Variants in EYA1 observed in about 807,000 individuals in gnomAD.
The protein encoded by EYA1 is EYA transcriptional coactivator and phosphatase 1.
In EYA1, 16 loss-of-function variants were observed where a neutral mutation model predicts 82.0. That is an observed-to-expected ratio of 0.20 (90% CI 0.13 to 0.30). The LOEUF (loss-of-function observed/expected upper bound fraction) is 0.30, where lower values mean the gene tolerates loss of function less well. EYA1 is among the 10% of genes least tolerant of loss of function. EYA1 has a pLI of 1.00. For missense variants in EYA1, 633 were observed against 730.7 expected, an observed-to-expected ratio of 0.87 and a Z score of 1.54; for synonymous variants, 261 against 264.4, an observed-to-expected ratio of 0.99 and a Z score of 0.12.
At chr8:71,500,417 A>C (rs1811729251) in intron 2 of EYA1, among the ~76,000 whole-genome samples, 1 of 152,142 alleles carries the variant, frequency 6.6e-6, no homozygotes, top group Non-Finnish European at 1.5e-5. Context: ...TCTCCTCTTC[A>C]AAGTGCCCTC....
intron 11 of EYA1, among the ~76,000 whole-genome samples, chr8:71,269,013 T>C (rs1586096883): frequency 6.6e-6 from 1 of 152,306 alleles, no homozygotes; most frequent in South Asian, 2.1e-4. Context: ...ATTAGCAGGA[T>C]AACTTGAGAA....
intron 2 of EYA1, among the ~76,000 whole-genome samples, chr8:71,513,655 T>C (rs1157327288): frequency 6.6e-6 from 1 of 152,138 alleles, no homozygotes; most frequent in Non-Finnish European, 1.5e-5. Context: ...TAAGTTATCA[T>C]TGACTATAGT....
chr8:71,269,667 C>A (rs1272523904), intron 11 of EYA1, 73 bp downstream of exon 11: 6 of 1,061,122 alleles, frequency 5.7e-6, no homozygotes, highest in Admixed American at 3.8e-5. Context: ...AAATTACATT[C>A]ATTTGGATAA....
chr8:71,350,506 C>T (rs947970155), intron 3 of EYA1, among the ~76,000 whole-genome samples: 1 of 152,022 alleles, frequency 6.6e-6, no homozygotes, highest in Non-Finnish European at 1.5e-5. Context: ...AGTATCTGTT[C>T]CCACCTTGGA....
At chr8:71,314,037 G>C (rs949929842) in intron 7 of EYA1, among the ~76,000 whole-genome samples, 1 of 151,972 alleles carries the variant, frequency 6.6e-6, no homozygotes, top group Non-Finnish European at 1.5e-5. Flanking sequence ...ATAAAGCTAG[G>C]CAAAAATATC....
chr8:71,222,420 T>C (rs1246565009), intron 12 of EYA1, among the ~76,000 whole-genome samples: 1 of 152,222 alleles, frequency 6.6e-6, no homozygotes, highest in Non-Finnish European at 1.5e-5. Flanking sequence ...TCCAGCCCGC[T>C]GTTCCCAGTC....
Position 71,445,055 on chromosome 8 carries a change from C to T in EYA1, c.34-88544G>A, listed in dbSNP as rs372414631. Among the ~76,000 whole-genome samples the T allele has an allele frequency of 2.6e-5, 4 of 152,284 alleles. No homozygotes were observed. The East Asian group carries it at 5.8e-4, about 22-fold the overall frequency. ...CAAGATAATTTGCCCAATTTTTTTA[C>T]ATTGCCACTAGTAGAATACCTTTTG... On this transcript the variant is annotated intron_variant, in intron 2 of 18. Transcript: ENST00000643681.
intron 2 of EYA1, among the ~76,000 whole-genome samples, chr8:71,433,681 CTGG>C (rs1270691552): frequency 6.6e-6 from 1 of 152,136 alleles, no homozygotes. Context: ...ACGGGTGTGA[CTGG>C]TGGTCTGAGA....
chr8:71,251,335 G>T (rs1190138202), intron 11 of EYA1, among the ~76,000 whole-genome samples: 2 of 152,132 alleles, frequency 1.3e-5, no homozygotes, highest in Non-Finnish European at 2.9e-5. Flanking sequence ...ATTTACTATA[G>T]TTCTTATGTA....
At chr8:71,348,409 C>T (rs1825970297) in intron 3 of EYA1, among the ~76,000 whole-genome samples, 1 of 152,210 alleles carries the variant, frequency 6.6e-6, no homozygotes, top group Non-Finnish European at 1.5e-5. Context: ...ATTGGATGTT[C>T]TCAGAGAGAT....
chr8:71,423,812 C>T (rs1332201750), intron 2 of EYA1, among the ~76,000 whole-genome samples: 1 of 152,090 alleles, frequency 6.6e-6, no homozygotes, highest in African/African-American at 2.4e-5. Context: ...GCATACATTC[C>T]AAAATATACC....
At chr8:71,348,659 C>T (rs2129061471) in intron 3 of EYA1, among the ~76,000 whole-genome samples, 1 of 152,284 alleles carries the variant, frequency 6.6e-6, no homozygotes, top group South Asian at 2.1e-4. Flanking sequence ...TATCTGCCAC[C>T]CTACAAGGCT....
rs148159191 is a variant in EYA1, at chr8:71,209,529, T to C, written c.1698+1627A>G. ...TTCATGAAATTATCTAGTTTAAAAT[T>C]AGGGTCAGTGATTATGATTTTAGTG... is the stretch of plus-strand genomic sequence containing the variant. On this transcript the variant is annotated intron_variant, in intron 17 of 17. Transcript: ENST00000340726. 5.5e-3 allele frequency among the ~76,000 whole-genome samples: 842 copies of C among 152,284 alleles called. 7 individuals are homozygous for C. Among genetic ancestry groups the C allele is most frequent in the African/African-American group, 0.019 (798 of 41,560 alleles).
At chr8:71,395,417 T>C (rs1829537657) in intron 2 of EYA1, among the ~76,000 whole-genome samples, 1 of 152,238 alleles carries the variant, frequency 6.6e-6, no homozygotes, top group African/African-American at 2.4e-5. Context: ...AGTATGATAT[T>C]GGCTGTGGGT....
Position 71,199,177 on chromosome 8 carries a change from G to T in EYA1, c.*163C>A. On this transcript the variant is annotated 3_prime_UTR_variant, in exon 18 of 18. Coordinates refer to ENST00000340726, the MANE Select transcript of EYA1 (RefSeq NM_000503.6). ...CAGCTGTTCTGATGAAATAGACGTGGTCCTCCATTCACCACAAAGGCAGAG... is the reference window on the plus strand; with the variant it reads ...CAGCTGTTCTGATGAAATAGACGTGTTCCTCCATTCACCACAAAGGCAGAG... The T allele has an allele frequency of 1.5e-6, 1 of 681,564 alleles. No homozygotes were observed. The highest frequency in any genetic ancestry group is 2.7e-6 in the Non-Finnish European group (1 of 373,374). 42.2% of individuals were successfully genotyped at this position (681,564 alleles called of 1,614,324 possible). A position where few individuals can be genotyped will look rare whatever the true frequency, so the allele number is the denominator to read the frequency against.
chr8:71,215,720 C>A lies in EYA1; in HGVS notation c.1369G>T (p.Gly457Cys). 6.2e-7 allele frequency: 1 copy of A among 1,612,046 alleles called. No homozygotes were observed. The highest frequency in any genetic ancestry group is 8.5e-7 in the Non-Finnish European group (1 of 1,178,178). The change falls in exon 15 of 18, where the codon GGT becomes TGT. Residue 457 changes from glycine (G) to cysteine (C), a missense_variant. By Grantham distance (159) the Gly-to-Cys change is radical. Transcript: ENST00000340726. ...AGCCAGGCTTCCCTCTTAGCTGGAC[C>A]AAGCAGACCTGAGGATTTAAAAGCA... ...TYKNNVGGLL[G>C]PAKREAWLQL...
At chr8:71,359,251 T>A (rs1462625520) in intron 1 of EYA1, among the ~76,000 whole-genome samples, 1 of 152,190 alleles carries the variant, frequency 6.6e-6, no homozygotes, top group African/African-American at 2.4e-5. Flanking sequence ...TAATTAAATT[T>A]ATAATTCTTC....
At chr8:71,266,257 T>A (rs564736897) in intron 11 of EYA1, among the ~76,000 whole-genome samples, 6 of 152,276 alleles carry the variant, frequency 3.9e-5, no homozygotes, top group African/African-American at 1.4e-4. Context: ...CACCACCAAA[T>A]CTGTGCTCCT....
rs538050874 is a variant in EYA1, at chr8:71,398,700, G to A, written c.34-42189C>T. Among the ~76,000 whole-genome samples, 137 of 152,332 alleles carry A rather than the reference G, an allele frequency of 9.0e-4. 3 individuals are homozygous for A. In the South Asian group the frequency reaches 0.026, roughly 29 times the overall value. On this transcript the variant is annotated intron_variant, in intron 2 of 18. Transcript: ENST00000643681. ...ATCCAGCTGTATGAGCTGTCAGTCA[G>A]TCCCTACTGGGAGGTGTCTCCCATT...
Sources: allele counts gnomAD v4.1 joint callset (sites outside exome capture counted in the v4.1 genomes callset), GRCh38; gene constraint gnomAD v4.1.1; transcripts MANE v1.5; gene names NCBI Gene and HGNC (gene_info 2026-07-23, HGNC 2026-07-21).